The following HDAC1 variants were observed in gnomAD, a reference collection of about 807,000 sequenced individuals.
HDAC1 encodes protein deacetylase HDAC1.
In HDAC1, 18 loss-of-function variants were observed where a neutral mutation model predicts 65.5. The observed-to-expected ratio is 0.27, with a 90% CI of 0.19 to 0.41. The LOEUF (loss-of-function observed/expected upper bound fraction) is 0.41, where lower values mean the gene tolerates loss of function less well. Among genes scored for constraint, HDAC1 ranks in the 10% least tolerant of loss-of-function variants. The probability of loss-of-function intolerance (pLI) is 1.00; values close to 1 mark genes in which losing one functional copy is unlikely to be tolerated. For synonymous variants in HDAC1, 211 were observed against 227.9 expected (o/e 0.93, Z 0.67); for missense variants, 373 against 625.2 (o/e 0.60, Z 4.30).
chr1:32,326,849 G>T, intron 4 of HDAC1, 90 bp from the exon 5 acceptor site: 3 of 1,413,002 alleles, frequency 2.1e-6, no homozygotes, highest in Non-Finnish European at 3.0e-6. Flanking sequence ...GAATAGGCAG[G>T]TCTTAACCTT....
chr1:32,320,959 A>C (rs904767074), intron 3 of HDAC1, among the ~76,000 whole-genome samples: 1 of 151,018 alleles, frequency 6.6e-6, no homozygotes. Context: ...GACACACACA[A>C]AAAGCATCAA....
intron 1 of HDAC1, among the ~76,000 whole-genome samples, chr1:32,302,193 G>A (rs984713986): frequency 3.3e-5 from 5 of 152,158 alleles, no homozygotes; most frequent in Non-Finnish European, 7.4e-5. Flanking sequence ...GTAAGAAAAC[G>A]AAGTGAATGT....
chr1:32,330,468 G>A lies in HDAC1; in HGVS notation c.730-110G>A. On this transcript the variant is annotated intron_variant, in intron 7 of 13. Transcript: ENST00000373548. The surrounding 1 kb of genome is among the most constrained non-coding windows in gnomAD (Gnocchi z 4.2). ...CCCTTTTCTCTCCCACATAGCATGA[G>A]GGAGAGTGGAAAGGTAGGAGTGGGT... The A allele has an allele frequency of 7.8e-6, 6 of 769,954 alleles. No individual in the cohort carries two copies. The highest frequency in any genetic ancestry group is 1.2e-5 in the Non-Finnish European group (5 of 428,344). 47.7% of individuals were successfully genotyped at this position (769,954 alleles called of 1,614,324 possible). A position where few individuals can be genotyped will look rare whatever the true frequency, so the allele number is the denominator to read the frequency against.
intron 2 of HDAC1, among the ~76,000 whole-genome samples, chr1:32,307,425 C>T (rs928676342): frequency 2.6e-5 from 4 of 151,972 alleles, no homozygotes; most frequent in Non-Finnish European, 4.4e-5. Context: ...ACTTTGGGGC[C>T]ATTATTAAGT....
At chr1:32,312,927 C>A (rs566661490) in intron 2 of HDAC1, among the ~76,000 whole-genome samples, 1 of 152,112 alleles carries the variant, frequency 6.6e-6, no homozygotes. Context: ...CCTCCCACCT[C>A]GGCCTCCCAA....
intron 2 of HDAC1, among the ~76,000 whole-genome samples, chr1:32,315,341 C>T (rs140731618): frequency 2.0e-5 from 3 of 151,562 alleles, no homozygotes; most frequent in Non-Finnish European, 2.9e-5. Context: ...CGTATATATA[C>T]ATATATATTT....
intron 2 of HDAC1, among the ~76,000 whole-genome samples, chr1:32,303,706 G>GA (rs1380264648): frequency 2.6e-5 from 4 of 151,936 alleles, no homozygotes; most frequent in Non-Finnish European, 5.9e-5. Context: ...CAAAAAATAT[G>GA]AAAAAAATTA....
In HDAC1 at chr1:32,331,749, G is replaced by A. The variant is rs375198135; in HGVS notation, c.1162G>A (p.Ala388Thr). ...GVQMQAIPED[A>T]IPEESGDEDE... ...CCAAATGCAGGCGATTCCTGAGGAC[G>A]CCATCCCTGAGGAGAGTGGCGATGA... Residue 388 changes from alanine (A) to threonine (T), a missense_variant, in exon 11 of 14, where the codon GCC (alanine) becomes ACC (threonine). By Grantham distance (58) the Ala-to-Thr change is moderately conservative (BLOSUM62 0). Coordinates refer to ENST00000373548, the MANE Select transcript of HDAC1 (RefSeq NM_004964.3). This position sits in a 1 kb window ranked among gnomAD's most constrained non-coding sequence, Gnocchi z 4.2. 7.6e-5 allele frequency: 123 copies of A among 1,613,884 alleles called. No individual in the cohort carries two copies. Among genetic ancestry groups the A allele is most frequent in the Non-Finnish European group, 6.5e-5 (77 of 1,179,970 alleles).
At chr1:32,292,310 G>C in intron 1 of HDAC1, 92 bp downstream of exon 1, 10 of 1,535,630 alleles carry the variant, frequency 6.5e-6, no homozygotes, top group Non-Finnish European at 8.8e-6. Context: ...GAGGCTGCGG[G>C]AGGCTGAGGC....
At position 32,292,116 on chromosome 1, in the gene HDAC1, C is replaced by T; in HGVS notation, c.-54C>T. 2.6e-6 allele frequency: 4 copies of T among 1,531,634 alleles called. No individual in the cohort carries two copies. In the South Asian group the frequency reaches 4.8e-5, roughly 18 times the overall value. The allele number at this position is 1,531,634 out of a possible 1,614,324, so 94.9% of individuals were successfully genotyped here. A position where few individuals can be genotyped will look rare whatever the true frequency, so the allele number is the denominator to read the frequency against. ...CCCTGGGTCGGACGCTGAGCGGAGC[C>T]GCGGGCGGGAGGGCGGACGGACCGA... On this transcript the variant is annotated 5_prime_UTR_variant, in exon 1 of 14. Coordinates refer to ENST00000373548, the MANE Select transcript of HDAC1 (RefSeq NM_004964.3).
chr1:32,333,360 A>T lies in HDAC1; in HGVS notation c.*316A>T. The T allele has an allele frequency of 4.8e-6, 1 of 210,044 alleles. No individual in the cohort carries two copies. Among genetic ancestry groups the T allele is most frequent in the Non-Finnish European group, 9.5e-6 (1 of 104,894 alleles). 13.0% of individuals were successfully genotyped at this position (210,044 alleles called of 1,614,324 possible). A position where few individuals can be genotyped will look rare whatever the true frequency, so the allele number is the denominator to read the frequency against. On this transcript the variant is annotated 3_prime_UTR_variant, in exon 14 of 14. Transcript: ENST00000373548. ...AAGTGCCTGCTTAGTAGCTTTGGAAAGGTGCCCTTATTGAACATTCTAGAA... is the reference window on the plus strand; with the variant it reads ...AAGTGCCTGCTTAGTAGCTTTGGAATGGTGCCCTTATTGAACATTCTAGAA...
chr1:32,321,652 T>C (rs1249758152), intron 3 of HDAC1, among the ~76,000 whole-genome samples: 1 of 152,222 alleles, frequency 6.6e-6, no homozygotes. Context: ...TTTCCATCTC[T>C]AATCACATAG....
chr1:32,298,245 C>A (rs112321637), intron 1 of HDAC1, among the ~76,000 whole-genome samples: 6,318 of 152,012 alleles, frequency 0.042, 434 homozygotes, highest in African/African-American at 0.14. Flanking sequence ...TATGCCACCA[C>A]GCCCGGCTAA....
intron 12 of HDAC1, 94 bp from the exon 13 acceptor site, chr1:32,332,607 G>A (rs967825659): frequency 4.6e-6 from 4 of 876,198 alleles, no homozygotes; most frequent in African/African-American, 3.3e-5. Context: ...CCAGTGAGCT[G>A]TAGTGTTGGG....
chr1:32,302,782 C>A, intron 2 of HDAC1, 49 bp downstream of exon 2: 1 of 822,268 alleles, frequency 1.2e-6, no homozygotes, highest in South Asian at 1.3e-5. Flanking sequence ...TGCTCTGGTT[C>A]CCCATATGCC....
intron 1 of HDAC1, among the ~76,000 whole-genome samples, chr1:32,294,459 A>G (rs1569996229): frequency 1.4e-5 from 2 of 145,940 alleles, no homozygotes; most frequent in Admixed American, 1.4e-4. Context: ...GATGTGGGCA[A>G]TTTGATGGTG....
At chr1:32,324,581 G>T in intron 4 of HDAC1, 28 bp downstream of exon 4, 1 of 1,453,874 alleles carries the variant, frequency 6.9e-7, no homozygotes, top group Non-Finnish European at 9.7e-7. Flanking sequence ...TCTCCCCAGG[G>T]GTAGACTGGG....
intron 2 of HDAC1, among the ~76,000 whole-genome samples, chr1:32,306,405 G>T (rs538182146): frequency 6.6e-6 from 1 of 151,884 alleles, no homozygotes; most frequent in South Asian, 2.1e-4. Flanking sequence ...TGATCCGCCC[G>T]CCTTGGCCTC....
In HDAC1 at chr1:32,329,415, G is replaced by A; in HGVS notation, c.729+255G>A. The A allele has an allele frequency of 1.7e-6, 1 of 577,606 alleles. No homozygotes were observed. The highest frequency in any genetic ancestry group is 2.0e-5 in the South Asian group (1 of 48,964). The allele number at this position is 577,606 out of a possible 1,614,324, so 35.8% of individuals were successfully genotyped here. A position where few individuals can be genotyped will look rare whatever the true frequency, so the allele number is the denominator to read the frequency against. On this transcript the variant is annotated intron_variant, in intron 7 of 13. Coordinates refer to ENST00000373548, the MANE Select transcript of HDAC1 (RefSeq NM_004964.3). The surrounding 1 kb of genome is among the most constrained non-coding windows in gnomAD (Gnocchi z 4.1). ...ATGATCTTTGCCCTCACGGACTATG[G>A]TGGGGAAGGCAGGCACATACCCAGT... is the stretch of plus-strand genomic sequence containing the variant.
Sources: gnomAD v4.1 joint callset for allele counts (sites outside exome capture counted in the v4.1 genomes callset) on GRCh38, gnomAD v4.1.1 for gene constraint, Gnocchi (gnomAD v3.1) non-coding constraint, MANE v1.5 for transcripts, NCBI Gene and HGNC (gene_info 2026-07-23, HGNC 2026-07-21) for gene names.